DOCK2: variants seen among roughly 807,000 people sequenced by gnomAD.
DOCK2 encodes the protein dedicator of cytokinesis 2.
Under a neutral mutation model 248.9 loss-of-function variants are expected in DOCK2, and 87 were observed. The ratio of observed to expected loss-of-function variants is 0.35; its 90% confidence interval spans 0.29 to 0.42. The LOEUF is 0.42. Among genes scored for constraint, DOCK2 ranks in the 10% least tolerant of loss-of-function variants. The probability of loss-of-function intolerance (pLI) is 1.00; values close to 1 mark genes in which losing one functional copy is unlikely to be tolerated. For missense variants in DOCK2, 1,747 were observed against 2,300.2 expected (o/e 0.76, Z 4.92); for synonymous variants, 805 against 821.6 (o/e 0.98, Z 0.35).
At chr5:169,921,950 G>T (rs199775104) in intron 27 of DOCK2, among the ~76,000 whole-genome samples, 2 of 152,202 alleles carry the variant, frequency 1.3e-5, no homozygotes, top group Non-Finnish European at 1.5e-5. Context: ...CTCCAGAGAG[G>T]TTGGAGGAGA....
intron 26 of DOCK2, among the ~76,000 whole-genome samples, chr5:169,804,470 G>GTGTGTA (rs1554102757): frequency 1.3e-4 from 11 of 83,360 alleles, no homozygotes; most frequent in African/African-American, 3.0e-4. Flanking sequence ...GTGTGTGTGT[G>GTGTGTA]TGTGTGTGTG....
intron 25 of DOCK2, among the ~76,000 whole-genome samples, chr5:169,767,339 G>T (rs559234850): frequency 3.3e-5 from 5 of 152,104 alleles, no homozygotes; most frequent in Non-Finnish European, 5.9e-5. Context: ...TCTGTAGGTC[G>T]TCCATTTACT....
intron 32 of DOCK2, among the ~76,000 whole-genome samples, chr5:170,015,130 C>T (rs192414883): frequency 2.3e-4 from 35 of 152,294 alleles, no homozygotes; most frequent in South Asian, 6.2e-4. Flanking sequence ...TAATCTAAAA[C>T]TCGGCATAGA....
At chr5:169,773,972 T>C (rs1424315977) in intron 25 of DOCK2, among the ~76,000 whole-genome samples, 1 of 152,172 alleles carries the variant, frequency 6.6e-6, no homozygotes, top group Admixed American at 6.6e-5. Context: ...GAGACCTCCC[T>C]AGCCACATAG....
At chr5:169,681,944 T>G in intron 7 of DOCK2, 65 bp downstream of exon 7, 4 of 1,583,078 alleles carry the variant, frequency 2.5e-6, no homozygotes, top group Non-Finnish European at 3.4e-6. Flanking sequence ...AAACTTAAAA[T>G]AATGGGCTAA....
chr5:170,029,682 A>G (rs6893925), intron 34 of DOCK2, among the ~76,000 whole-genome samples: 62,076 of 151,918 alleles, frequency 0.41, 13,455 homozygotes, highest in East Asian at 0.58. Context: ...GCTTAGGAAC[A>G]TGACCCAGAC....
Position 169,939,203 on chromosome 5 carries a change from C to CTTT in DOCK2, c.2800-43853_2800-43851dup, listed in dbSNP as rs56040572. ...ACAGGCGTGAGCCACTGTGCCCGGC[C>CTTT]TTTTTTTTTTTTTTAAACTTTTTAA... On this transcript the variant is annotated intron_variant, in intron 27 of 51. Coordinates refer to ENST00000520908, the MANE Select transcript of DOCK2 (RefSeq NM_004946.3). 1.4e-3 allele frequency among the ~76,000 whole-genome samples: 200 copies of CTTT among 143,528 alleles called. 1 individual carries two copies. In the South Asian group the frequency reaches 0.017, roughly 12 times the overall value. The allele number at this position is 143,528 out of a possible 152,430, so 94.2% of individuals were successfully genotyped here. A position where few individuals can be genotyped will look rare whatever the true frequency, so the allele number is the denominator to read the frequency against.
In DOCK2 at chr5:169,718,612, C is replaced by T. The variant is rs747361242; in HGVS notation, c.2133-45C>T. 6.3e-6 allele frequency: 10 copies of T among 1,591,060 alleles called. No homozygotes were observed. In the South Asian group the frequency reaches 1.0e-4, roughly 16 times the overall value. On this transcript the variant is annotated intron_variant, in intron 21 of 51. Transcript: ENST00000520908. ...TATAATTTACTGAGCAAACTAATTA[C>T]CATGATGAAAGAGATGTATTTTGAA... is the stretch of plus-strand genomic sequence containing the variant.
chr5:170,049,782 C>A (rs556551788), intron 40 of DOCK2, among the ~76,000 whole-genome samples: 1 of 152,288 alleles, frequency 6.6e-6, no homozygotes, highest in African/African-American at 2.4e-5. Flanking sequence ...AACCACTGAT[C>A]TATAAAAGAC....
chr5:170,005,556 C>T (rs1754998575), intron 30 of DOCK2, among the ~76,000 whole-genome samples: 2 of 152,106 alleles, frequency 1.3e-5, no homozygotes, highest in Non-Finnish European at 2.9e-5. Flanking sequence ...GTTCCAGGGA[C>T]AGGGTAGGGG....
At chr5:169,845,811 G>A (rs563583002) in intron 27 of DOCK2, among the ~76,000 whole-genome samples, 9 of 152,256 alleles carry the variant, frequency 5.9e-5, no homozygotes, top group Admixed American at 2.0e-4. Flanking sequence ...AGAGGCCTGC[G>A]GCAAGCATAC....
Position 169,907,474 on chromosome 5 carries a change from G to A in DOCK2, c.2799+66622G>A, listed in dbSNP as rs1184280948. 2.0e-5 allele frequency among the ~76,000 whole-genome samples: 3 copies of A among 152,290 alleles called. No individual in the cohort carries two copies. In the East Asian group the frequency reaches 5.8e-4, roughly 29 times the overall value. Reference sequence around the variant, plus strand: ...CTAAAATCTGTGGCTTGTTTGCTTGGAACATTTTAGAAAGTCAAAGTAGTT... The same window carrying A: ...CTAAAATCTGTGGCTTGTTTGCTTGAAACATTTTAGAAAGTCAAAGTAGTT... On this transcript the variant is annotated intron_variant, in intron 27 of 51. Coordinates refer to ENST00000520908, the MANE Select transcript of DOCK2 (RefSeq NM_004946.3).
intron 27 of DOCK2, among the ~76,000 whole-genome samples, chr5:169,962,189 G>A (rs1280447110): frequency 6.6e-6 from 1 of 152,064 alleles, no homozygotes; most frequent in Non-Finnish European, 1.5e-5. Flanking sequence ...CCCTGGAGGG[G>A]AGGGAGCAAG....
At chr5:170,034,712 G>T (rs1372717909) in intron 35 of DOCK2, among the ~76,000 whole-genome samples, 157 bp downstream of exon 35, 1 of 152,190 alleles carries the variant, frequency 6.6e-6, no homozygotes, top group African/African-American at 2.4e-5. Flanking sequence ...CTTTCTGCTA[G>T]CTTTGTGTCT....
chr5:169,764,252 C>G lies in DOCK2; in HGVS notation c.2554+2627C>G, dbSNP rs180714014. Among the ~76,000 whole-genome samples the G allele has an allele frequency of 6.6e-6, 1 of 152,332 alleles. No homozygotes were observed. The highest frequency in any genetic ancestry group is 1.9e-4 in the East Asian group (1 of 5,184). On this transcript the variant is annotated intron_variant, in intron 25 of 51. Coordinates refer to ENST00000520908, the MANE Select transcript of DOCK2 (RefSeq NM_004946.3). This position sits in a 1 kb window ranked among gnomAD's most constrained non-coding sequence, Gnocchi z 4.3. Reference sequence around the variant, plus strand: ...TTTCAGTGACAGTTGCTTGTACTCACAGCCTTGAACATTTGTATTGACATT... The same window carrying G: ...TTTCAGTGACAGTTGCTTGTACTCAGAGCCTTGAACATTTGTATTGACATT...
Position 169,978,965 on chromosome 5 carries a change from C to A in DOCK2, c.2800-4103C>A, listed in dbSNP as rs148347046. 1.8e-4 allele frequency among the ~76,000 whole-genome samples: 28 copies of A among 152,316 alleles called. No individual in the cohort carries two copies. In the East Asian group the frequency reaches 5.4e-3, roughly 29 times the overall value. ...CCAGAGTCTCAGATACAATTTCTCACTGGAATTTAATATGCAAGTCTCCCT... is the reference window on the plus strand; with the variant it reads ...CCAGAGTCTCAGATACAATTTCTCAATGGAATTTAATATGCAAGTCTCCCT... On this transcript the variant is annotated intron_variant, in intron 27 of 51. Coordinates refer to ENST00000520908, the MANE Select transcript of DOCK2 (RefSeq NM_004946.3).
At chr5:169,902,966 C>T (rs1391418185) in intron 27 of DOCK2, among the ~76,000 whole-genome samples, 3 of 152,030 alleles carry the variant, frequency 2.0e-5, no homozygotes, top group Admixed American at 6.5e-5. Flanking sequence ...GGTGTGGTGG[C>T]ACATGCCTGT....
chr5:169,792,765 T>A (rs1766425542), intron 25 of DOCK2, among the ~76,000 whole-genome samples: 1 of 152,234 alleles, frequency 6.6e-6, no homozygotes, highest in Non-Finnish European at 1.5e-5. Flanking sequence ...GGTGTGGCAC[T>A]GCAAATGTAA....
chr5:170,040,756 T>C (rs1241455839), intron 36 of DOCK2: 3 of 310,530 alleles, frequency 9.7e-6, no homozygotes, highest in Non-Finnish European at 1.6e-5. Context: ...ACCTAACTTA[T>C]CCAGGCAATA....
Sources: gnomAD v4.1 joint callset for allele counts (sites outside exome capture counted in the v4.1 genomes callset) on GRCh38, gnomAD v4.1.1 for gene constraint, Gnocchi (gnomAD v3.1) non-coding constraint, MANE v1.5 for transcripts, NCBI Gene and HGNC (gene_info 2026-07-23, HGNC 2026-07-21) for gene names.